The following QTMAN variants were observed in gnomAD, a reference collection of about 807,000 sequenced individuals.
QTMAN encodes the protein tRNA-queuosine alpha-mannosyltransferase.
chr2:144,113,223 CAG>C, the QTMAN span, among the ~76,000 whole-genome samples: 1 of 150,576 alleles, frequency 6.6e-6, no homozygotes, highest in South Asian at 2.1e-4. Context: ...ACAAGTGAAA[CAG>C]AAAGTTTCAG....
the QTMAN span, among the ~76,000 whole-genome samples, chr2:144,021,527 C>A: frequency 3.3e-5 from 5 of 151,976 alleles, no homozygotes; most frequent in African/African-American, 9.7e-5. Flanking sequence ...ATAGAACAAA[C>A]GGGAGCAAGA....
the QTMAN span, among the ~76,000 whole-genome samples, chr2:144,076,892 G>T: frequency 4.6e-5 from 7 of 152,154 alleles, no homozygotes; most frequent in East Asian, 1.4e-3. Context: ...GCTGAGGCAG[G>T]AGGATCACTT....
chr2:144,009,920 G>A, the QTMAN span, among the ~76,000 whole-genome samples: 1 of 151,874 alleles, frequency 6.6e-6, no homozygotes. Context: ...TGGAACAAAT[G>A]GTAAGAGAAG....
the QTMAN span, among the ~76,000 whole-genome samples, chr2:144,226,806 G>A: frequency 6.6e-6 from 1 of 152,158 alleles, no homozygotes; most frequent in South Asian, 2.1e-4. Flanking sequence ...TAAAATAACA[G>A]AAACTGAATG....
the QTMAN span, among the ~76,000 whole-genome samples, chr2:144,105,172 G>C: frequency 6.6e-6 from 1 of 152,126 alleles, no homozygotes; most frequent in East Asian, 1.9e-4. Flanking sequence ...GAGCAGAAAA[G>C]CTGAAAATTC....
the QTMAN span, among the ~76,000 whole-genome samples, chr2:144,297,304 G>T: frequency 2.0e-5 from 3 of 152,078 alleles, no homozygotes; most frequent in Non-Finnish European, 4.4e-5. Context: ...AAGTGTGCCT[G>T]CCAGCTTGAC....
At chr2:144,261,763 T>A in the QTMAN span, among the ~76,000 whole-genome samples, 1 of 152,260 alleles carries the variant, frequency 6.6e-6, no homozygotes, top group Admixed American at 6.5e-5. Context: ...ATAAACTTTA[T>A]ATAAGTTATG....
the QTMAN span, among the ~76,000 whole-genome samples, chr2:144,270,487 C>T: frequency 7.7e-4 from 117 of 152,220 alleles, no homozygotes; most frequent in East Asian, 0.016. Context: ...AAAAAGAATG[C>T]GTTAATGTCC....
At chr2:144,013,888 T>A in the QTMAN span, among the ~76,000 whole-genome samples, 1 of 152,124 alleles carries the variant, frequency 6.6e-6, no homozygotes, top group Non-Finnish European at 1.5e-5. Context: ...AATTAAAAAA[T>A]CATGCTACCC....
chr2:144,088,645 T>G, the QTMAN span, among the ~76,000 whole-genome samples: 1 of 151,900 alleles, frequency 6.6e-6, no homozygotes, highest in African/African-American at 2.4e-5. Context: ...GGAATAGAAT[T>G]GAGAACCCAG....
chr2:144,220,670 C>T, the QTMAN span, among the ~76,000 whole-genome samples: 1 of 152,142 alleles, frequency 6.6e-6, no homozygotes, highest in Non-Finnish European at 1.5e-5. Context: ...AGTTAATTCC[C>T]CCTTGCATCT....
chr2:144,089,322 G>A, the QTMAN span, among the ~76,000 whole-genome samples: 1 of 151,926 alleles, frequency 6.6e-6, no homozygotes, highest in African/African-American at 2.4e-5. Context: ...GCAGAGAAAA[G>A]GGAACTCCTA....
At chr2:143,947,519 T>C in the QTMAN span, among the ~76,000 whole-genome samples, 1 of 152,240 alleles carries the variant, frequency 6.6e-6, no homozygotes, top group Non-Finnish European at 1.5e-5. Context: ...CCGTGAATTT[T>C]ACTTTTAAAT....
chr2:144,208,468 A>C, the QTMAN span: 1 of 721,528 alleles, frequency 1.4e-6, no homozygotes, highest in Non-Finnish European at 2.2e-6. Context: ...TGCTCTCTCT[A>C]AAGAAATATC....
chr2:144,004,255 G>A, the QTMAN span, among the ~76,000 whole-genome samples: 1 of 151,974 alleles, frequency 6.6e-6, no homozygotes, highest in Non-Finnish European at 1.5e-5. Context: ...AACTAAGGGG[G>A]TTGAACAAGA....
At chr2:144,296,549 C>T in the QTMAN span, among the ~76,000 whole-genome samples, 4 of 152,150 alleles carry the variant, frequency 2.6e-5, no homozygotes, top group East Asian at 7.7e-4. Context: ...AAAACAATCA[C>T]TTACAGCTAA....
chr2:144,236,850 C>T, the QTMAN span, among the ~76,000 whole-genome samples: 3 of 151,778 alleles, frequency 2.0e-5, no homozygotes, highest in Non-Finnish European at 4.4e-5. Flanking sequence ...AAAGCATTCA[C>T]AGCCACAGAG....
the QTMAN span, among the ~76,000 whole-genome samples, chr2:144,103,309 C>A: frequency 6.6e-6 from 1 of 152,190 alleles, no homozygotes; most frequent in Non-Finnish European, 1.5e-5. Flanking sequence ...GCCACTGGAG[C>A]ACAAGAGGGA....
At chr2:144,321,827 C>T in the QTMAN span, among the ~76,000 whole-genome samples, 8 of 151,956 alleles carry the variant, frequency 5.3e-5, no homozygotes, top group Non-Finnish European at 1.2e-4. Context: ...AGGCTGGACT[C>T]GAATTCCTGG....
Sources: allele counts gnomAD v4.1 joint callset (sites outside exome capture counted in the v4.1 genomes callset), GRCh38; gene constraint gnomAD v4.1.1; transcripts MANE v1.5; gene names NCBI Gene and HGNC (gene_info 2026-07-23, HGNC 2026-07-21).